Variants in RTL4 observed in about 807,000 individuals in gnomAD.
The protein encoded by RTL4 is retrotransposon Gag-like protein 4.
A neutral mutation model predicts 5.3 loss-of-function variants in RTL4; 4 were observed. The ratio of observed to expected loss-of-function variants is 0.75; its 90% confidence interval spans 0.37 to 1.72. RTL4 has a LOEUF of 1.72. RTL4 is among the 40% of genes most tolerant of loss of function. The pLI is 0.04. For missense variants in RTL4, 260 were observed against 227.1 expected, an observed-to-expected ratio of 1.14 and a Z score of -0.93; for synonymous variants, 98 against 87.3, an observed-to-expected ratio of 1.12 and a Z score of -0.68.
chrX:112,134,566 G>A, the RTL4 span, among the ~76,000 whole-genome samples: 12 of 111,353 alleles, frequency 1.1e-4, no homozygotes, highest in African/African-American at 3.9e-4. Context: ...CTTTATAGAG[G>A]CATAATTGAT....
chrX:112,267,380 T>A, the RTL4 span, among the ~76,000 whole-genome samples: 1 of 111,922 alleles, frequency 8.9e-6, no homozygotes, highest in African/African-American at 3.2e-5. Context: ...CTTTCTCAAA[T>A]ACTTTCTTCA....
chrX:112,189,305 T>C, the RTL4 span, among the ~76,000 whole-genome samples: 1 of 111,713 alleles, frequency 9.0e-6, no homozygotes, highest in Non-Finnish European at 1.9e-5. Flanking sequence ...AAAAAATAAC[T>C]TTTAAATTCC....
the RTL4 span, among the ~76,000 whole-genome samples, chrX:112,191,893 C>T: frequency 9.0e-6 from 1 of 111,625 alleles, no homozygotes; most frequent in African/African-American, 3.3e-5. Flanking sequence ...ATGTCTTTCA[C>T]ATGTTTCTCA....
the RTL4 span, among the ~76,000 whole-genome samples, chrX:112,213,791 A>G: frequency 9.2e-6 from 1 of 108,381 alleles, no homozygotes; most frequent in South Asian, 4.0e-4. Flanking sequence ...ACAACTCCCC[A>G]TGACTTTCTT....
chrX:112,367,116 A>C, the RTL4 span, among the ~76,000 whole-genome samples: 6 of 111,634 alleles, frequency 5.4e-5, no homozygotes, highest in Non-Finnish European at 1.1e-4. Flanking sequence ...CCACCTCTCC[A>C]TCTTCACCCT....
the RTL4 span, among the ~76,000 whole-genome samples, chrX:112,402,534 TAA>T: frequency 9.1e-6 from 1 of 109,947 alleles, no homozygotes; most frequent in Non-Finnish European, 1.9e-5. Context: ...TGCTCATTCC[TAA>T]GTTTTCAGAA....
chrX:112,310,392 A>G, the RTL4 span, among the ~76,000 whole-genome samples: 48 of 48,289 alleles, frequency 9.9e-4, no homozygotes, highest in African/African-American at 3.5e-3. Flanking sequence ...ATATATATAT[A>G]TATATATATA....
At chrX:112,330,868 C>G in the RTL4 span, among the ~76,000 whole-genome samples, 1 of 111,127 alleles carries the variant, frequency 9.0e-6, no homozygotes, top group Admixed American at 9.6e-5. Context: ...CTACAACTAT[C>G]TGATCTTTGA....
the RTL4 span, among the ~76,000 whole-genome samples, chrX:112,218,640 C>T: frequency 8.9e-6 from 1 of 111,848 alleles, no homozygotes; most frequent in African/African-American, 3.3e-5. Context: ...GTATGATCAC[C>T]ACTTTCTAGT....
chrX:112,352,290 A>C, the RTL4 span, among the ~76,000 whole-genome samples: 2 of 110,544 alleles, frequency 1.8e-5, no homozygotes, highest in Non-Finnish European at 3.8e-5. Flanking sequence ...TCTCTCCATC[A>C]AGCTACCAAC....
the RTL4 span, among the ~76,000 whole-genome samples, chrX:112,270,106 C>A: frequency 1.8e-5 from 2 of 112,006 alleles, no homozygotes; most frequent in Non-Finnish European, 3.8e-5. Flanking sequence ...CTTTTTCAGA[C>A]CCCTGGAAAA....
chrX:112,207,498 G>T, the RTL4 span, among the ~76,000 whole-genome samples: 2 of 112,034 alleles, frequency 1.8e-5, no homozygotes, highest in Middle Eastern at 4.7e-3. Context: ...TTAATGGATT[G>T]CAAATTTAAC....
chrX:112,154,695 C>T, the RTL4 span, among the ~76,000 whole-genome samples: 1 of 111,849 alleles, frequency 8.9e-6, no homozygotes, highest in Non-Finnish European at 1.9e-5. Flanking sequence ...ATCGTTGGGA[C>T]ATGCCTTCAG....
the RTL4 span, among the ~76,000 whole-genome samples, chrX:112,238,120 A>G: frequency 8.9e-6 from 1 of 111,791 alleles, no homozygotes; most frequent in East Asian, 2.8e-4. Context: ...AACTATTAGC[A>G]TTTTGCCCTA....
chrX:112,393,147 C>CTT, the RTL4 span, among the ~76,000 whole-genome samples: 522 of 81,387 alleles, frequency 6.4e-3, 5 homozygotes, highest in African/African-American at 0.025. Flanking sequence ...TTCTTTCTTT[C>CTT]TTTTTTTTTT....
At chrX:112,250,228 G>A in the RTL4 span, among the ~76,000 whole-genome samples, 2 of 108,910 alleles carry the variant, frequency 1.8e-5, no homozygotes, top group African/African-American at 6.7e-5. Context: ...GCAGTGAGCC[G>A]AGATCGTGCC....
At chrX:112,244,829 G>C in the RTL4 span, among the ~76,000 whole-genome samples, 1 of 111,722 alleles carries the variant, frequency 9.0e-6, no homozygotes, top group Non-Finnish European at 1.9e-5. Context: ...GCAGTGGTTG[G>C]TACCAGTTGT....
the RTL4 span, among the ~76,000 whole-genome samples, chrX:112,342,471 C>T: frequency 9.0e-6 from 1 of 111,244 alleles, no homozygotes; most frequent in Non-Finnish European, 1.9e-5. Flanking sequence ...AGAGACCTCA[C>T]AAGTCATGAA....
the RTL4 span, among the ~76,000 whole-genome samples, chrX:112,367,750 G>T: frequency 8.9e-6 from 1 of 111,782 alleles, no homozygotes; most frequent in Admixed American, 9.5e-5. Context: ...AAGGGAACGA[G>T]CAATTAAAAC....
Sources: allele counts gnomAD v4.1 joint callset (sites outside exome capture counted in the v4.1 genomes callset), GRCh38; gene constraint gnomAD v4.1.1; transcripts MANE v1.5; gene names NCBI Gene and HGNC (gene_info 2026-07-23, HGNC 2026-07-21).